Variants in ZFPM2 observed in about 807,000 individuals in gnomAD.
ZFPM2 encodes the protein zinc finger protein ZFPM2.
Under a neutral mutation model 98.6 loss-of-function variants are expected in ZFPM2, and 20 were observed. The observed-to-expected ratio is 0.20, with a 90% confidence interval of 0.14 to 0.29. The LOEUF is 0.29. Among genes scored for constraint, ZFPM2 ranks in the 10% least tolerant of loss-of-function variants. ZFPM2 has a pLI of 1.00. For synonymous variants in ZFPM2, 518 were observed against 502.7 expected (o/e 1.03, Z -0.41); for missense variants, 1,310 against 1,388.6 (o/e 0.94, Z 0.90).
At chr8:105,736,278 C>T (rs1174132235) in intron 5 of ZFPM2, among the ~76,000 whole-genome samples, 2 of 151,922 alleles carry the variant, frequency 1.3e-5, no homozygotes, top group African/African-American at 2.4e-5. Flanking sequence ...AAAGATACTT[C>T]TGCAAATTTC....
chr8:105,464,055 ATCTC>A (rs1812751580), intron 3 of ZFPM2, among the ~76,000 whole-genome samples: 1 of 151,986 alleles, frequency 6.6e-6, no homozygotes, highest in Non-Finnish European at 1.5e-5. Flanking sequence ...CAGCCTTCTT[ATCTC>A]TCTTTCCTTT....
At chr8:105,682,195 G>A (rs1370697168) in intron 5 of ZFPM2, among the ~76,000 whole-genome samples, 3 of 152,084 alleles carry the variant, frequency 2.0e-5, no homozygotes, top group Non-Finnish European at 4.4e-5. Context: ...AGTATCATGA[G>A]GAAACACAAA....
At chr8:105,778,991 A>T (rs1165425264) in intron 5 of ZFPM2, among the ~76,000 whole-genome samples, 1 of 151,174 alleles carries the variant, frequency 6.6e-6, no homozygotes, top group Non-Finnish European at 1.5e-5. Flanking sequence ...TTCTTCCCCC[A>T]GAATTTCTAG....
rs138686924 is a variant in ZFPM2 at position 105,441,490 on chromosome 8, G to GAAAAGA, written c.200-2787_200-2786insAGAAAA. Among the ~76,000 whole-genome samples, 160 of 71,146 alleles carry GAAAAGA rather than the reference G, an allele frequency of 2.2e-3. 27 individuals are homozygous for GAAAAGA. The highest frequency in any genetic ancestry group is 0.014 in the African/African-American group (122 of 8,830). 46.7% of individuals were successfully genotyped at this position (71,146 alleles called of 152,430 possible). ...AGAAAGAAAGAAAGAAAGAAAGAAAGAAAGAAAGAAATCAAAGCCCAGGGG... is the reference window on the plus strand; with the variant it reads ...AGAAAGAAAGAAAGAAAGAAAGAAAGAAAAGAAAAGAAAGAAATCAAAGCCCAGGGG... On this transcript the variant is annotated intron_variant, in intron 2 of 7. Coordinates refer to ENST00000407775, the MANE Select transcript of ZFPM2 (RefSeq NM_012082.4).
intron 5 of ZFPM2, among the ~76,000 whole-genome samples, chr8:105,642,242 A>G (rs999650395): frequency 9.9e-5 from 15 of 152,128 alleles, no homozygotes; most frequent in African/African-American, 3.1e-4. Flanking sequence ...GAAAAAAGGC[A>G]GAATATGCGG....
chr8:105,445,190 C>G (rs1490241234), intron 3 of ZFPM2, among the ~76,000 whole-genome samples: 1 of 152,160 alleles, frequency 6.6e-6, no homozygotes, highest in African/African-American at 2.4e-5. Context: ...GCAAATTGCT[C>G]TCTGCTGTAC....
chr8:105,458,378 A>C (rs1377251222), intron 3 of ZFPM2, among the ~76,000 whole-genome samples: 1 of 151,994 alleles, frequency 6.6e-6, no homozygotes, highest in Admixed American at 6.6e-5. Context: ...TGAATGTTAC[A>C]CTCCGTGTAA....
At chr8:105,711,700 T>C (rs572144551) in intron 5 of ZFPM2, among the ~76,000 whole-genome samples, 5 of 152,208 alleles carry the variant, frequency 3.3e-5, no homozygotes, top group African/African-American at 9.6e-5. Flanking sequence ...TCCTTGTTTC[T>C]GAATATCTCC....
intron 1 of ZFPM2, among the ~76,000 whole-genome samples, chr8:105,405,564 A>G (rs1811433083): frequency 1.3e-5 from 2 of 151,984 alleles, no homozygotes; most frequent in South Asian, 4.2e-4. Flanking sequence ...TTTGCTGAGA[A>G]TGATGGTTTC....
intron 5 of ZFPM2, among the ~76,000 whole-genome samples, chr8:105,648,093 C>T (rs1285716879): frequency 6.6e-6 from 1 of 152,164 alleles, no homozygotes; most frequent in East Asian, 1.9e-4. Flanking sequence ...GATGGTATCT[C>T]ATTGTGGTTT....
intron 3 of ZFPM2, among the ~76,000 whole-genome samples, chr8:105,533,594 T>C (rs1442787711): frequency 6.6e-6 from 1 of 152,038 alleles, no homozygotes; most frequent in Admixed American, 6.6e-5. Flanking sequence ...GAACCCTATA[T>C]ACTAACTCTG....
intron 3 of ZFPM2, among the ~76,000 whole-genome samples, chr8:105,481,020 G>T (rs1261707581): frequency 6.6e-6 from 1 of 152,098 alleles, no homozygotes. Context: ...AAAGTGCTGG[G>T]ATTACAGGCG....
At chr8:105,788,984 A>C in intron 6 of ZFPM2, 60 bp downstream of exon 6, 1 of 1,400,610 alleles carries the variant, frequency 7.1e-7, no homozygotes, top group East Asian at 2.4e-5. Context: ...TGGGAGAAAA[A>C]AATGTCTACT....
At chr8:105,639,231 C>A (rs1483805406) in intron 5 of ZFPM2, among the ~76,000 whole-genome samples, 1 of 151,892 alleles carries the variant, frequency 6.6e-6, no homozygotes, top group Non-Finnish European at 1.5e-5. Context: ...GTATGGTGAC[C>A]TTTTCATATG....
chr8:105,782,211 T>C (rs1813270987), intron 5 of ZFPM2, among the ~76,000 whole-genome samples: 1 of 152,232 alleles, frequency 6.6e-6, no homozygotes, highest in Admixed American at 6.5e-5. Context: ...AATAAATGTG[T>C]GATTATTACT....
chr8:105,537,302 G>A (rs1253870979), intron 3 of ZFPM2, among the ~76,000 whole-genome samples: 1 of 151,964 alleles, frequency 6.6e-6, no homozygotes, highest in South Asian at 2.1e-4. Flanking sequence ...TAACCATTTA[G>A]TAACTTCAAC....
At chr8:105,485,027 A>C (rs1434496342) in intron 3 of ZFPM2, among the ~76,000 whole-genome samples, 2 of 152,204 alleles carry the variant, frequency 1.3e-5, no homozygotes, top group African/African-American at 4.8e-5. Flanking sequence ...GAACATGTGT[A>C]ATTTACCTCT....
At chr8:105,580,471 T>C (rs895483567) in intron 4 of ZFPM2, among the ~76,000 whole-genome samples, 1 of 152,148 alleles carries the variant, frequency 6.6e-6, no homozygotes, top group Non-Finnish European at 1.5e-5. Flanking sequence ...CTCATGTCCA[T>C]GTGAATTTAT....
intron 5 of ZFPM2, among the ~76,000 whole-genome samples, chr8:105,654,403 G>A (rs1817243421): frequency 6.6e-6 from 1 of 152,106 alleles, no homozygotes; most frequent in Admixed American, 6.5e-5. Context: ...GCTGCTGGAT[G>A]GTGTCTGGAG....
Sources: allele counts gnomAD v4.1 joint callset (sites outside exome capture counted in the v4.1 genomes callset), GRCh38; gene constraint gnomAD v4.1.1; transcripts MANE v1.5; gene names NCBI Gene and HGNC (gene_info 2026-07-23, HGNC 2026-07-21).